Variants in CHN2 observed in about 807,000 individuals in gnomAD.
The protein encoded by CHN2 is chimerin 2.
CHN2 carries 35 observed loss-of-function variants against 56.3 expected under a neutral mutation model. The ratio of observed to expected loss-of-function variants is 0.62; its 90% CI spans 0.47 to 0.82. The LOEUF is 0.82. CHN2 is among the 40% of genes least tolerant of loss of function. The probability of loss-of-function intolerance (pLI) is 0.00; values close to 1 mark genes in which losing one functional copy is unlikely to be tolerated. For synonymous variants in CHN2, 210 were observed against 212.8 expected, an observed-to-expected ratio of 0.99 and a Z score of 0.12; for missense variants, 491 against 580.5, an observed-to-expected ratio of 0.85 and a Z score of 1.58.
At chr7:29,507,900 C>A (rs1055733131) in intron 11 of CHN2, among the ~76,000 whole-genome samples, 2 of 152,120 alleles carry the variant, frequency 1.3e-5, no homozygotes, top group African/African-American at 4.8e-5. Flanking sequence ...TGGGCATGTG[C>A]GGCCCATAGG....
intron 1 of CHN2, among the ~76,000 whole-genome samples, chr7:29,317,878 G>A (rs1012888872): frequency 1.3e-5 from 2 of 152,288 alleles, no homozygotes; most frequent in African/African-American, 4.8e-5. Flanking sequence ...ATGTTACGCC[G>A]GAGGCTGAGG....
chr7:29,412,378 C>T (rs989633256), intron 6 of CHN2, among the ~76,000 whole-genome samples: 1 of 117,904 alleles, frequency 8.5e-6, no homozygotes, highest in Non-Finnish European at 1.6e-5. Context: ...TGTTTCCAGG[C>T]TGGAGTGCAG....
At chr7:29,439,114 G>C (rs1252222596) in intron 6 of CHN2, among the ~76,000 whole-genome samples, 1 of 152,168 alleles carries the variant, frequency 6.6e-6, no homozygotes, top group East Asian at 1.9e-4. Flanking sequence ...CTATTAAGGA[G>C]GTTTTGCCTG....
intron 1 of CHN2, among the ~76,000 whole-genome samples, chr7:29,308,237 T>G (rs1794320560): frequency 6.6e-6 from 1 of 152,212 alleles, no homozygotes; most frequent in African/African-American, 2.4e-5. Flanking sequence ...TTTCCATTCC[T>G]CAGACTTCCT....
At chr7:29,444,950 G>A (rs1488918116) in intron 6 of CHN2, among the ~76,000 whole-genome samples, 1 of 152,194 alleles carries the variant, frequency 6.6e-6, no homozygotes, top group Non-Finnish European at 1.5e-5. Context: ...ACAAGAAAGG[G>A]GAAGAATCTT....
chr7:29,475,196 G>A (rs537341720), intron 6 of CHN2, among the ~76,000 whole-genome samples: 1 of 152,092 alleles, frequency 6.6e-6, no homozygotes, highest in South Asian at 2.1e-4. Context: ...AGAACAGTGA[G>A]AGGGCTTAGA....
chr7:29,461,806 G>C (rs1785177118), intron 6 of CHN2, among the ~76,000 whole-genome samples: 1 of 149,412 alleles, frequency 6.7e-6, no homozygotes, highest in South Asian at 2.2e-4. Flanking sequence ...TTGGTTAACT[G>C]GTTGGTTCAT....
At chr7:29,315,220 C>T (rs1794877763) in intron 1 of CHN2, among the ~76,000 whole-genome samples, 1 of 152,154 alleles carries the variant, frequency 6.6e-6, no homozygotes, top group Non-Finnish European at 1.5e-5. Context: ...TTATGAAATG[C>T]ATTACTTTGT....
intron 1 of CHN2, among the ~76,000 whole-genome samples, chr7:29,230,877 T>A (rs765719301): frequency 8.5e-5 from 13 of 152,196 alleles, no homozygotes; most frequent in Non-Finnish European, 1.8e-4. Flanking sequence ...GTCTACACAT[T>A]GTACTCTAAT....
At chr7:29,302,375 C>G (rs2128878850) in intron 1 of CHN2, among the ~76,000 whole-genome samples, 1 of 152,032 alleles carries the variant, frequency 6.6e-6, no homozygotes, top group African/African-American at 2.4e-5. Flanking sequence ...GTTGCCCAGC[C>G]TGGAGTGCAG....
intron 1 of CHN2, among the ~76,000 whole-genome samples, chr7:29,218,733 C>T (rs909653457): frequency 1.4e-5 from 2 of 147,516 alleles, no homozygotes; most frequent in Non-Finnish European, 3.0e-5. Context: ...TGTTCTCACT[C>T]ATAGGTGGGA....
intron 1 of CHN2, among the ~76,000 whole-genome samples, chr7:29,323,563 C>CCGCCT (rs1441849909): frequency 2.6e-5 from 4 of 152,140 alleles, no homozygotes; most frequent in Non-Finnish European, 5.9e-5. Context: ...AGACATGAGG[C>CCGCCT]CGCCTCGCCA....
intron 1 of CHN2, among the ~76,000 whole-genome samples, chr7:29,314,788 G>T (rs1794841807): frequency 6.6e-6 from 1 of 151,958 alleles, no homozygotes; most frequent in Admixed American, 6.6e-5. Flanking sequence ...TCCACTGAAG[G>T]GTGAATAATT....
In CHN2 at chr7:29,482,797, CTTTTTTTTTTTTTTTTTTTTTTT is replaced by C. The variant is rs375120538; in HGVS notation, c.654+2461_654+2483del. Among the ~76,000 whole-genome samples the C allele has an allele frequency of 3.2e-3, 206 of 64,204 alleles. 1 individual carries two copies. The highest frequency in any genetic ancestry group is 0.012 in the African/African-American group (192 of 16,676). 42.1% of individuals were successfully genotyped at this position (64,204 alleles called of 152,430 possible). On this transcript the variant is annotated intron_variant, in intron 7 of 12. Coordinates refer to ENST00000222792, the MANE Select transcript of CHN2 (RefSeq NM_004067.4). ...TGCTAGGTGCTGTCTGCACTTTTTT[CTTTTTTTTTTTTTTTTTTTTTTT>C]TTTTTTTTTTTTTTTTTTTGAGACG...
rs142607921 is a variant in CHN2, at chr7:29,266,493, G to A, written c.49+71503G>A. 2.0e-3 allele frequency among the ~76,000 whole-genome samples: 297 copies of A among 152,294 alleles called. 2 individuals are homozygous for A. The highest frequency in any genetic ancestry group is 6.9e-3 in the African/African-American group (285 of 41,560). On this transcript the variant is annotated intron_variant, in intron 1 of 12. Transcript: ENST00000222792. The stretch of plus-strand genomic sequence containing the variant: ...TTTGTAATTGTTATTCTAATGTGTC[G>A]CAAGATGGTGTGAGGAAATTCAGGT...
In CHN2 at chr7:29,499,195, C is replaced by T. The variant is rs187598405; in HGVS notation, c.740-672C>T. Among the ~76,000 whole-genome samples, 6 of 152,272 alleles carry T rather than the reference C, an allele frequency of 3.9e-5. No individual in the cohort carries two copies. The East Asian group carries it at 1.2e-3, about 29-fold the overall frequency. On this transcript the variant is annotated intron_variant, in intron 8 of 12. Coordinates refer to ENST00000222792, the MANE Select transcript of CHN2 (RefSeq NM_004067.4). ...ATATGAACTTTATAAATAATCATCA[C>T]ATTACATTACATGGTATTGTTATAA... is the stretch of plus-strand genomic sequence containing the variant.
chr7:29,189,612 T>C (rs1385058706), intron 2 of CHN2, among the ~76,000 whole-genome samples: 1 of 152,116 alleles, frequency 6.6e-6, no homozygotes, highest in Non-Finnish European at 1.5e-5. Context: ...GAAGAAAACA[T>C]ATTCAATGAG....
chr7:29,296,085 T>A (rs1044693166), intron 1 of CHN2, among the ~76,000 whole-genome samples: 11 of 24,928 alleles, frequency 4.4e-4, no homozygotes, highest in Admixed American at 7.4e-4. Flanking sequence ...GTAATCACCA[T>A]TTTTTTTTTT....
intron 1 of CHN2, among the ~76,000 whole-genome samples, chr7:29,261,060 A>AC (rs1016434938): frequency 6.6e-5 from 10 of 151,830 alleles, no homozygotes; most frequent in East Asian, 3.9e-4. Context: ...TGATAATGAT[A>AC]CCCCCCCACC....
Sources: gnomAD v4.1 joint callset for allele counts (sites outside exome capture counted in the v4.1 genomes callset) on GRCh38, gnomAD v4.1.1 for gene constraint, MANE v1.5 for transcripts, NCBI Gene and HGNC (gene_info 2026-07-23, HGNC 2026-07-21) for gene names.